Variants in MYO5C observed in about 807,000 individuals in gnomAD.
MYO5C encodes the protein unconventional myosin-Vc.
MYO5C carries 194 observed loss-of-function variants against 235.7 expected under a neutral mutation model. The observed-to-expected ratio is 0.82, with a 90% CI of 0.73 to 0.93. The LOEUF (loss-of-function observed/expected upper bound fraction) is 0.93, where lower values mean the gene tolerates loss of function less well. MYO5C is among the 40% of genes least tolerant of loss of function. The probability of loss-of-function intolerance (pLI) is 0.00; values close to 1 mark genes in which losing one functional copy is unlikely to be tolerated. For missense variants in MYO5C, 2,038 were observed against 2,127.2 expected (o/e 0.96, Z 0.82); for synonymous variants, 707 against 754.8 (o/e 0.94, Z 1.04).
rs2036592795 is a variant in MYO5C, at chr15:52,256,649, T to G, written c.1385A>C (p.Gln462Pro). ...INYANEKLQQ[Q>P]FNMHVFKLEQ... ...AGAAAGGTCACCTACCATGTTAAACTGTTGTTGCAGTTTTTCATTAGCGTA... is the reference window on the plus strand; with the variant it reads ...AGAAAGGTCACCTACCATGTTAAACGGTTGTTGCAGTTTTTCATTAGCGTA... Residue 462 changes from glutamine (Q) to proline (P), a missense_variant, in exon 11 of 41, where the codon CAG becomes CCG. Physicochemically the swap from Gln to Pro is moderately conservative, Grantham distance 76 (BLOSUM62 -1). Transcript: ENST00000261839. The G allele has an allele frequency of 6.3e-7, 1 of 1,588,596 alleles. No individual in the cohort carries two copies. Among genetic ancestry groups the G allele is most frequent in the African/African-American group, 1.4e-5 (1 of 74,014 alleles).
chr15:52,228,049 T>G (rs190647034), intron 25 of MYO5C, among the ~76,000 whole-genome samples: 9 of 152,372 alleles, frequency 5.9e-5, no homozygotes, highest in Admixed American at 3.3e-4. Context: ...TGTCCAAGCA[T>G]GGATCATTAC....
At chr15:52,283,046 G>C (rs1177343965) in intron 1 of MYO5C, among the ~76,000 whole-genome samples, 154 bp from the exon 2 acceptor site, 5 of 152,176 alleles carry the variant, frequency 3.3e-5, no homozygotes, top group Non-Finnish European at 7.3e-5. Flanking sequence ...GATCTTTCGT[G>C]CATCTGTGAT....
At chr15:52,295,042 T>C (rs1245139150) in intron 1 of MYO5C, among the ~76,000 whole-genome samples, 1 of 152,196 alleles carries the variant, frequency 6.6e-6, no homozygotes, top group East Asian at 1.9e-4. Flanking sequence ...TGAGCCTACA[T>C]GCACGTTCAC....
At chr15:52,224,683 G>A (rs1230626830) in intron 28 of MYO5C, among the ~76,000 whole-genome samples, 1 of 152,164 alleles carries the variant, frequency 6.6e-6, no homozygotes, top group Non-Finnish European at 1.5e-5. Context: ...CACTGTATGG[G>A]TTATGGGGTT....
At position 52,240,494 on chromosome 15, in the gene MYO5C, C is replaced by T. The variant is rs753130436; in HGVS notation, c.2557-615G>A. Among the ~76,000 whole-genome samples, 27 of 134,688 alleles carry T rather than the reference C, an allele frequency of 2.0e-4. 1 individual carries two copies. The Admixed American group carries it at 2.4e-3, about 12-fold the overall frequency. 88.4% of individuals were successfully genotyped at this position (134,688 alleles called of 152,430 possible). ...GCTGAGGCATGAGGATCCCTTTAGT[C>T]TAGGAGCTCAAGACCAGCCTTGGCA... On this transcript the variant is annotated intron_variant, in intron 20 of 40. Transcript: ENST00000261839.
At chr15:52,234,710 C>T (rs1463787921) in intron 23 of MYO5C, among the ~76,000 whole-genome samples, 1 of 152,194 alleles carries the variant, frequency 6.6e-6, no homozygotes, top group Admixed American at 6.5e-5. Context: ...GCCTGCTCCT[C>T]GTCAGCACCT....
At chr15:52,272,196 G>A (rs1436777055) in intron 6 of MYO5C, among the ~76,000 whole-genome samples, 1 of 152,208 alleles carries the variant, frequency 6.6e-6, no homozygotes, top group African/African-American at 2.4e-5. Flanking sequence ...TTTACTGGCA[G>A]AAAAGCCTTT....
chr15:52,241,749 T>TGAGAGA (rs35362776), intron 20 of MYO5C, among the ~76,000 whole-genome samples: 5 of 150,182 alleles, frequency 3.3e-5, no homozygotes, highest in Admixed American at 1.3e-4. Flanking sequence ...TGTGTGTGTG[T>TGAGAGA]GTGAGAGAGA....
chr15:52,269,960 T>A (rs2036885859), intron 7 of MYO5C, 100 bp from the exon 8 acceptor site: 1 of 827,942 alleles, frequency 1.2e-6, no homozygotes, highest in Non-Finnish European at 2.1e-6. Context: ...AACTGTGTCA[T>A]GCACTTTACA....
intron 37 of MYO5C, 62 bp from the exon 38 acceptor site, chr15:52,205,209 G>A: frequency 6.4e-7 from 1 of 1,557,456 alleles, no homozygotes; most frequent in Non-Finnish European, 8.7e-7. Context: ...CGTTCCCGAC[G>A]CTCTTCGGTT....
chr15:52,265,892 C>A (rs1160383480), intron 8 of MYO5C, among the ~76,000 whole-genome samples: 1 of 152,224 alleles, frequency 6.6e-6, no homozygotes, highest in Non-Finnish European at 1.5e-5. Context: ...AATCCAAGAA[C>A]ACAGGGAAGA....
intron 2 of MYO5C, 41 bp from the exon 3 acceptor site, chr15:52,279,715 A>G: frequency 6.3e-7 from 1 of 1,576,878 alleles, no homozygotes; most frequent in Non-Finnish European, 8.7e-7. Flanking sequence ...GAAATAAAAG[A>G]TTTTTGGTGT....
intron 2 of MYO5C, 72 bp downstream of exon 2, chr15:52,282,710 G>T: frequency 1.8e-6 from 2 of 1,094,722 alleles, no homozygotes; most frequent in Non-Finnish European, 2.8e-6. Context: ...GGGTCCACGT[G>T]CTCCCATCCT....
chr15:52,282,942 G>A lies in MYO5C; in HGVS notation c.28-50C>T, dbSNP rs760015334. ...GAATTTCAGGACTTCCAAAATTATG[G>A]ATCAATGCATGGTTAGACACAGGAA... On this transcript the variant is annotated intron_variant, in intron 1 of 40. Coordinates refer to ENST00000261839, the MANE Select transcript of MYO5C (RefSeq NM_018728.4). The A allele has an allele frequency of 8.6e-6, 10 of 1,167,124 alleles. No individual in the cohort carries two copies. The South Asian group carries it at 9.9e-5, about 12-fold the overall frequency. 72.3% of individuals were successfully genotyped at this position (1,167,124 alleles called of 1,614,324 possible).
intron 10 of MYO5C, among the ~76,000 whole-genome samples, chr15:52,257,273 T>C (rs1482061377): frequency 6.6e-6 from 1 of 152,212 alleles, no homozygotes; most frequent in African/African-American, 2.4e-5. Context: ...TTTCATATCC[T>C]ACAGCCCAGC....
chr15:52,271,212 C>T (rs1285473099), intron 7 of MYO5C, among the ~76,000 whole-genome samples: 1 of 151,964 alleles, frequency 6.6e-6, no homozygotes, highest in Non-Finnish European at 1.5e-5. Context: ...AGCTGGAGGA[C>T]CATAAATACC....
chr15:52,276,065 A>C (rs1001444105), intron 4 of MYO5C, among the ~76,000 whole-genome samples: 1 of 151,786 alleles, frequency 6.6e-6, no homozygotes, highest in South Asian at 2.1e-4. Flanking sequence ...CTCTCATTTC[A>C]TCTCTCCTCT....
Position 52,201,729 on chromosome 15 carries a change from G to C in MYO5C, c.4820+3136C>G, listed in dbSNP as rs111449786. ...AATATTGTATGGTACAGTTTTTGAT[G>C]TATGTAGATCTAATATATAAGACCA... On this transcript the variant is annotated intron_variant, in intron 38 of 40. Coordinates refer to ENST00000261839, the MANE Select transcript of MYO5C (RefSeq NM_018728.4). Among the ~76,000 whole-genome samples, 540 of 152,122 alleles carry C rather than the reference G, an allele frequency of 3.5e-3. 6 individuals are homozygous for C. The highest frequency in any genetic ancestry group is 0.013 in the African/African-American group (523 of 41,512).
intron 40 of MYO5C, among the ~76,000 whole-genome samples, 195 bp from the exon 41 acceptor site, chr15:52,194,249 G>T (rs2034997577): frequency 6.6e-6 from 1 of 152,192 alleles, no homozygotes; most frequent in Non-Finnish European, 1.5e-5. Context: ...TCAGCTCTCA[G>T]AACAATTAAC....
Sources: gnomAD v4.1 joint callset for allele counts (sites outside exome capture counted in the v4.1 genomes callset) on GRCh38, gnomAD v4.1.1 for gene constraint, MANE v1.5 for transcripts, NCBI Gene and HGNC (gene_info 2026-07-23, HGNC 2026-07-21) for gene names.